ROBO2: variants seen among roughly 807,000 people sequenced by gnomAD.
ROBO2 encodes the protein roundabout guidance receptor 2, also known as roundabout homolog 2.
In ROBO2, 53 loss-of-function variants were observed where a neutral mutation model predicts 160.8. The observed-to-expected ratio is 0.33, with a 90% CI of 0.26 to 0.41. The LOEUF (loss-of-function observed/expected upper bound fraction) is 0.41, where lower values mean the gene tolerates loss of function less well. Among genes scored for constraint, ROBO2 ranks in the 10% least tolerant of loss-of-function variants. ROBO2 has a pLI of 1.00. For missense variants in ROBO2, 1,577 were observed against 1,722.4 expected (o/e 0.92, Z 1.49); for synonymous variants, 664 against 611.7 (o/e 1.09, Z -1.26).
At chr3:76,910,352 T>C (rs1405547036) in intron 2 of ROBO2, among the ~76,000 whole-genome samples, 1 of 152,188 alleles carries the variant, frequency 6.6e-6, no homozygotes, top group African/African-American at 2.4e-5. Flanking sequence ...ATTCTTCTTT[T>C]TTTTTATACA....
chr3:76,183,617 C>T (rs1020926653), intron 2 of ROBO2, among the ~76,000 whole-genome samples: 5 of 151,964 alleles, frequency 3.3e-5, no homozygotes, highest in African/African-American at 4.8e-5. Flanking sequence ...AGGCACTCTT[C>T]TAGGGAGTAG....
At chr3:76,387,605 T>C (rs1423281161) in intron 2 of ROBO2, among the ~76,000 whole-genome samples, 1 of 152,162 alleles carries the variant, frequency 6.6e-6, no homozygotes, top group African/African-American at 2.4e-5. Context: ...ATTTTTCAAG[T>C]CTGCAAAACA....
chr3:76,622,231 GAAGGAAGA>G (rs1160267124), intron 2 of ROBO2, among the ~76,000 whole-genome samples: 133 of 36,160 alleles, frequency 3.7e-3, no homozygotes, highest in South Asian at 7.9e-3. Flanking sequence ...AGGAAGGAAG[GAAGGAAGA>G]AAGAAAGAAA....
At chr3:77,304,485 C>T (rs2062927541) in intron 2 of ROBO2, among the ~76,000 whole-genome samples, 1 of 152,054 alleles carries the variant, frequency 6.6e-6, no homozygotes, top group South Asian at 2.1e-4. Context: ...GATTACTGCT[C>T]CAGAAAGGGT....
At chr3:76,406,935 A>G (rs1026116935) in intron 2 of ROBO2, among the ~76,000 whole-genome samples, 27 of 151,666 alleles carry the variant, frequency 1.8e-4, no homozygotes, top group Admixed American at 4.6e-4. Context: ...CACTTATAAT[A>G]AATTTCACAT....
At chr3:77,235,833 C>A (rs1226825450) in intron 2 of ROBO2, among the ~76,000 whole-genome samples, 3 of 152,132 alleles carry the variant, frequency 2.0e-5, no homozygotes, top group Non-Finnish European at 4.4e-5. Context: ...TTTCCCATAT[C>A]CTCTTCCCCC....
chr3:76,959,370 C>A (rs1031282046), intron 2 of ROBO2, among the ~76,000 whole-genome samples: 1 of 152,130 alleles, frequency 6.6e-6, no homozygotes, highest in Non-Finnish European at 1.5e-5. Context: ...TGATTATATC[C>A]TCTGGCAAAA....
exon 26 of ROBO2, chr3:77,647,163 T>G (rs1053319764): frequency 2.0e-5 from 3 of 152,550 alleles, no homozygotes; most frequent in African/African-American, 7.2e-5. Flanking sequence ...TTCTAATACA[T>G]GTACAGTGCA....
chr3:77,133,065 T>A (rs2075990653), intron 2 of ROBO2, among the ~76,000 whole-genome samples: 1 of 152,190 alleles, frequency 6.6e-6, no homozygotes, highest in Admixed American at 6.5e-5. Context: ...TTCTTGCTTC[T>A]TATAATCTTC....
intron 2 of ROBO2, among the ~76,000 whole-genome samples, chr3:77,400,498 C>A (rs2153510585): frequency 6.6e-6 from 1 of 152,262 alleles, no homozygotes; most frequent in African/African-American, 2.4e-5. Flanking sequence ...CCAGTACGTT[C>A]ACTTTAGACA....
intron 2 of ROBO2, among the ~76,000 whole-genome samples, chr3:76,057,393 C>T (rs1422412738): frequency 2.6e-5 from 4 of 152,032 alleles, no homozygotes; most frequent in Non-Finnish European, 4.4e-5. Flanking sequence ...TTAGAATCTT[C>T]GGAAGGTTAG....
At chr3:76,647,092 G>A (rs935895575) in intron 2 of ROBO2, among the ~76,000 whole-genome samples, 4 of 152,160 alleles carry the variant, frequency 2.6e-5, no homozygotes, top group African/African-American at 7.2e-5. Context: ...GAACTCAGAG[G>A]AGGCTGCGTT....
At chr3:77,344,068 T>C (rs1240073961) in intron 2 of ROBO2, among the ~76,000 whole-genome samples, 2 of 152,008 alleles carry the variant, frequency 1.3e-5, no homozygotes, top group Non-Finnish European at 2.9e-5. Flanking sequence ...TCAAGAACTG[T>C]AAATGCAAAG....
chr3:76,939,868 G>A (rs2078041711), intron 2 of ROBO2, among the ~76,000 whole-genome samples: 1 of 151,898 alleles, frequency 6.6e-6, no homozygotes. Context: ...GCAGTCCACT[G>A]AATCTGTTAC....
intron 2 of ROBO2, among the ~76,000 whole-genome samples, chr3:77,189,459 G>C (rs56319429): frequency 6.6e-6 from 1 of 151,524 alleles, no homozygotes; most frequent in Non-Finnish European, 1.5e-5. Context: ...CTGTTATCAG[G>C]GGTATGGGAA....
intron 2 of ROBO2, among the ~76,000 whole-genome samples, chr3:76,340,632 T>G (rs2074167637): frequency 6.6e-6 from 1 of 152,154 alleles, no homozygotes; most frequent in East Asian, 1.9e-4. Context: ...ATTATGATTT[T>G]AAAATATTAT....
chr3:76,236,654 G>T (rs556011375), intron 2 of ROBO2, among the ~76,000 whole-genome samples: 2 of 152,126 alleles, frequency 1.3e-5, no homozygotes, highest in South Asian at 4.1e-4. Context: ...GTTTTTATTT[G>T]TGAATATTGG....
intron 2 of ROBO2, among the ~76,000 whole-genome samples, chr3:77,415,754 C>A (rs1320790149): frequency 2.6e-5 from 4 of 152,136 alleles, no homozygotes; most frequent in Non-Finnish European, 5.9e-5. Context: ...CTCAGAGATG[C>A]CGGTAACCAC....
At chr3:75,969,276 A>G (rs1324087870) in intron 2 of ROBO2, among the ~76,000 whole-genome samples, 4 of 151,288 alleles carry the variant, frequency 2.6e-5, no homozygotes, top group Non-Finnish European at 5.9e-5. Context: ...TAAACATGGG[A>G]ATACAGATAT....
Sources: gnomAD v4.1 joint callset for allele counts (sites outside exome capture counted in the v4.1 genomes callset) on GRCh38, gnomAD v4.1.1 for gene constraint, MANE v1.5 for transcripts, NCBI Gene and HGNC (gene_info 2026-07-23, HGNC 2026-07-21) for gene names.